Variants in CRHBP observed in about 807,000 individuals in gnomAD.
The protein encoded by CRHBP is corticotropin-releasing hormone-binding protein.
CRHBP carries 19 observed loss-of-function variants against 34.9 expected under a neutral mutation model. The observed-to-expected ratio is 0.55, with a 90% CI of 0.38 to 0.80. The LOEUF (loss-of-function observed/expected upper bound fraction) is 0.80, where lower values mean the gene tolerates loss of function less well. Among genes scored for constraint, CRHBP ranks in the 30% least tolerant of loss-of-function variants. The pLI is 0.00. For missense variants in CRHBP, 328 were observed against 409.2 expected (o/e 0.80, Z 1.71); for synonymous variants, 154 against 153.4 (o/e 1.00, Z -0.03).
downstream of CRHBP, among the ~76,000 whole-genome samples, chr5:76,971,002 G>C (rs943546026): frequency 6.6e-6 from 1 of 152,160 alleles, no homozygotes; most frequent in Non-Finnish European, 1.5e-5. Context: ...CTACTACTTA[G>C]CCTATGTTCC....
At chr5:76,974,263 C>T (rs901583778), downstream of CRHBP, among the ~76,000 whole-genome samples, 3 of 151,898 alleles carry the variant, frequency 2.0e-5, no homozygotes, top group East Asian at 1.9e-4. Context: ...ATGATCCACC[C>T]GCCTCAGCCT....
chr5:76,967,651 A>C (rs541511367), intron 6 of CRHBP, among the ~76,000 whole-genome samples: 1 of 152,160 alleles, frequency 6.6e-6, no homozygotes, highest in Non-Finnish European at 1.5e-5. Flanking sequence ...TAACCCATAC[A>C]GAGGAGATAT....
At chr5:76,967,282 C>T (rs1486047472) in intron 6 of CRHBP, among the ~76,000 whole-genome samples, 1 of 152,042 alleles carries the variant, frequency 6.6e-6, no homozygotes, top group Non-Finnish European at 1.5e-5. Context: ...AAATTTGGAC[C>T]TCCTGGTAGA....
intron 5 of CRHBP, among the ~76,000 whole-genome samples, chr5:76,959,997 C>T (rs1390925288): frequency 2.0e-5 from 3 of 152,218 alleles, no homozygotes; most frequent in Admixed American, 1.3e-4. Context: ...GAATGCTTAC[C>T]ATGTGCAAGG....
chr5:76,969,792 G>C (rs955345652), downstream of CRHBP, among the ~76,000 whole-genome samples: 18 of 152,112 alleles, frequency 1.2e-4, no homozygotes, highest in African/African-American at 3.9e-4. Flanking sequence ...GACACAATTT[G>C]CAGAAATCTG....
chr5:76,963,059 G>C (rs1337785590), intron 5 of CRHBP, among the ~76,000 whole-genome samples: 1 of 151,978 alleles, frequency 6.6e-6, no homozygotes, highest in African/African-American at 2.4e-5. Flanking sequence ...GGAGTTTACA[G>C]ATTTCCATTT....
downstream of CRHBP, among the ~76,000 whole-genome samples, chr5:76,972,636 G>A (rs930537186): frequency 6.6e-4 from 100 of 152,266 alleles, no homozygotes; most frequent in African/African-American, 2.3e-3. Flanking sequence ...CCAGCCTTGT[G>A]GATCCTTTTC....
intron 2 of CRHBP, among the ~76,000 whole-genome samples, chr5:76,975,825 A>AAAAAAAAAATAT: frequency 1.5e-4 from 9 of 61,854 alleles, no homozygotes; most frequent in African/African-American, 5.5e-4. Flanking sequence ...AAAAAAAAAA[A>AAAAAAAAAATAT]ATATATATAT....
In CRHBP at chr5:76,954,181, C is replaced by G. The variant is rs1451992040; in HGVS notation, c.328C>G (p.Leu110Val). 6.2e-7 allele frequency: 1 copy of G among 1,612,800 alleles called. No homozygotes were observed. The highest frequency in any genetic ancestry group is 8.5e-7 in the Non-Finnish European group (1 of 1,179,400). The stretch of plus-strand genomic sequence containing the variant: ...CATCGACTGTCAGGGCGGCGACTTC[C>G]TGAAGGTGAGGCGCCCACGGCCAGC... The part of the protein sequence containing the change: ...VSIDCQGGDF[L>V]KVFDGWILKG... Residue 110 changes from leucine to valine, a missense_variant, in exon 3 of 7, where the codon CTG becomes GTG. By Grantham distance (32) the Leu-to-Val change is conservative (BLOSUM62 1). Around this residue, in one of 3 missense-constraint regions of CRHBP, gnomAD observed 173 missense variants for 172.2 expected, o/e 1.00. Coordinates refer to ENST00000274368, the MANE Select transcript of CRHBP (RefSeq NM_001882.4).
In CRHBP at chr5:76,968,972, G is replaced by T; in HGVS notation, c.*87G>T. 1.4e-6 allele frequency: 2 copies of T among 1,479,480 alleles called. No homozygotes were observed. The highest frequency in any genetic ancestry group is 1.8e-6 in the Non-Finnish European group (2 of 1,081,772). 91.6% of individuals were successfully genotyped at this position (1,479,480 alleles called of 1,614,324 possible). Reference sequence around the variant, plus strand: ...GATTTTGATGCACAACTAGTTAAAAGCCTTTCATACCAGTCAGTATTCCCA... The same window carrying T: ...GATTTTGATGCACAACTAGTTAAAATCCTTTCATACCAGTCAGTATTCCCA... On this transcript the variant is annotated 3_prime_UTR_variant, in exon 7 of 7. Transcript: ENST00000274368.
At chr5:76,965,142 A>C (rs1312680479) in intron 6 of CRHBP, among the ~76,000 whole-genome samples, 1 of 152,196 alleles carries the variant, frequency 6.6e-6, no homozygotes, top group African/African-American at 2.4e-5. Flanking sequence ...TTACATGGAA[A>C]TAGGTAAAGG....
chr5:76,979,897 C>T (rs964391949), intron 3 of CRHBP, among the ~76,000 whole-genome samples: 3 of 152,152 alleles, frequency 2.0e-5, no homozygotes, highest in African/African-American at 7.2e-5. Flanking sequence ...AGCATTGAAA[C>T]CTATCTTCAC....
intron 3 of CRHBP, 83 bp downstream of exon 3, chr5:76,954,269 G>A: frequency 1.3e-6 from 2 of 1,504,116 alleles, no homozygotes; most frequent in Admixed American, 2.1e-5. Context: ...CCCAGCGTGG[G>A]GCTGCTGAGC....
chr5:76,973,111 T>C (rs1287824320), downstream of CRHBP, among the ~76,000 whole-genome samples: 1 of 152,206 alleles, frequency 6.6e-6, no homozygotes, highest in Non-Finnish European at 1.5e-5. Context: ...TTTGTATGAA[T>C]GAGAAATAAA....
chr5:76,954,294 G>T, intron 3 of CRHBP, 108 bp downstream of exon 3: 1 of 1,339,582 alleles, frequency 7.5e-7, no homozygotes, highest in Non-Finnish European at 1.0e-6. Flanking sequence ...GTAGCCAGTG[G>T]CACTTCTTAG....
At chr5:76,979,284 A>G (rs1322790816) in intron 3 of CRHBP, among the ~76,000 whole-genome samples, 1 of 151,976 alleles carries the variant, frequency 6.6e-6, no homozygotes, top group Non-Finnish European at 1.5e-5. Flanking sequence ...TGGTCCTGCC[A>G]CCTCAAGCAA....
At chr5:76,965,578 T>C (rs1220322496) in intron 6 of CRHBP, among the ~76,000 whole-genome samples, 1 of 152,178 alleles carries the variant, frequency 6.6e-6, no homozygotes, top group Non-Finnish European at 1.5e-5. Flanking sequence ...TCAGCTGGGT[T>C]AAAAAGTAAG....
At chr5:76,962,737 G>T (rs1283479150) in intron 5 of CRHBP, among the ~76,000 whole-genome samples, 1 of 152,054 alleles carries the variant, frequency 6.6e-6, no homozygotes, top group African/African-American at 2.4e-5. Context: ...AAAGGAGAAA[G>T]ATCATGGTAA....
At chr5:76,974,499 T>C (rs933031852) in intron 2 of CRHBP, among the ~76,000 whole-genome samples, 8 of 126,416 alleles carry the variant, frequency 6.3e-5, no homozygotes, top group African/African-American at 2.3e-4. Context: ...GTCTGCAAAG[T>C]AGAATCTTCA....
Sources: gnomAD v4.1 joint callset for allele counts (sites outside exome capture counted in the v4.1 genomes callset) on GRCh38, gnomAD v4.1.1 for gene constraint, gnomAD v4.1.1 regional missense constraint, MANE v1.5 for transcripts, NCBI Gene and HGNC (gene_info 2026-07-23, HGNC 2026-07-21) for gene names.